TNKS2: variants seen among roughly 807,000 people sequenced by gnomAD.
The protein encoded by TNKS2 is poly [ADP-ribose] polymerase tankyrase-2.
A neutral mutation model predicts 137.6 loss-of-function variants in TNKS2; 72 were observed. The ratio of observed to expected loss-of-function variants is 0.52; its 90% CI spans 0.43 to 0.64. The LOEUF is 0.64. Ranked by LOEUF, TNKS2 falls within the 30% of genes least tolerant of loss-of-function variation. The probability of loss-of-function intolerance (pLI) is 0.00; values close to 1 mark genes in which losing one functional copy is unlikely to be tolerated. For missense variants in TNKS2, 1,049 were observed against 1,410.2 expected, an observed-to-expected ratio of 0.74 and a Z score of 4.10; for synonymous variants, 516 against 512.1, an observed-to-expected ratio of 1.01 and a Z score of -0.10.
chr10:91,846,057 T>C, intron 18 of TNKS2, 117 bp downstream of exon 18: 1 of 686,972 alleles, frequency 1.5e-6, no homozygotes, highest in Non-Finnish European at 2.2e-6. Context: ...GGTTTTAGCC[T>C]GATTTTAATG....
chr10:91,844,805 C>CATAT (rs3043645), intron 16 of TNKS2, 114 bp from the exon 17 acceptor site: 44 of 584,414 alleles, frequency 7.5e-5, no homozygotes, highest in South Asian at 2.2e-4. Context: ...CTTATAAATA[C>CATAT]ATATATATAT....
chr10:91,802,600 T>A (rs1291759216), intron 1 of TNKS2, among the ~76,000 whole-genome samples: 1 of 152,240 alleles, frequency 6.6e-6, no homozygotes, highest in East Asian at 1.9e-4. Flanking sequence ...ATTCCTCCAA[T>A]TGAAGGCTTT....
At chr10:91,801,565 C>T (rs1844170689) in intron 1 of TNKS2, among the ~76,000 whole-genome samples, 1 of 152,040 alleles carries the variant, frequency 6.6e-6, no homozygotes, top group Admixed American at 6.6e-5. Context: ...CCCCCACCTT[C>T]CGGGTTCGAC....
intron 13 of TNKS2, among the ~76,000 whole-genome samples, chr10:91,839,177 T>A (rs558762615): frequency 6.6e-6 from 1 of 151,738 alleles, no homozygotes; most frequent in African/African-American, 2.4e-5. Context: ...AAGATAGATA[T>A]ATTCTTTTGA....
chr10:91,826,958 C>T (rs2275646), intron 7 of TNKS2, 59 bp from the exon 8 acceptor site: 142,532 of 1,390,960 alleles, frequency 0.1, 8,031 homozygotes, highest in East Asian at 0.22. Flanking sequence ...TTACACAGTA[C>T]GAATAATTCT....
chr10:91,822,223 T>C (rs1192489446), intron 6 of TNKS2, 73 bp from the exon 7 acceptor site: 5 of 1,196,598 alleles, frequency 4.2e-6, no homozygotes, highest in Non-Finnish European at 5.9e-6. Flanking sequence ...ATTAAATAAA[T>C]TTTAATTTAT....
rs1379908859 is a variant in TNKS2 at position 91,798,953 on chromosome 10, G to A, written c.199+64G>A. ...CCACCTGCGCAGCCGGGGCCCACAGGTCTGAAACCAGTGCTCCTCCGCCTC... is the reference window on the plus strand; with the variant it reads ...CCACCTGCGCAGCCGGGGCCCACAGATCTGAAACCAGTGCTCCTCCGCCTC... On this transcript the variant is annotated intron_variant, in intron 1 of 26. Transcript: ENST00000371627. 2.3e-6 allele frequency: 3 copies of A among 1,296,880 alleles called. No individual in the cohort carries two copies. The South Asian group carries it at 7.2e-5, about 31-fold the overall frequency. The allele number at this position is 1,296,880 out of a possible 1,614,324, so 80.3% of individuals were successfully genotyped here.
intron 13 of TNKS2, among the ~76,000 whole-genome samples, chr10:91,838,951 T>C (rs1001924399): frequency 3.9e-5 from 6 of 152,206 alleles, no homozygotes; most frequent in African/African-American, 1.4e-4. Context: ...CACAGCAACC[T>C]CCACCTCCCG....
intron 16 of TNKS2, 126 bp downstream of exon 16, chr10:91,842,517 T>A: frequency 1.2e-6 from 1 of 804,626 alleles, no homozygotes; most frequent in Non-Finnish European, 2.0e-6. Context: ...CTCACACTTG[T>A]AATCCCAACA....
intron 9 of TNKS2, among the ~76,000 whole-genome samples, chr10:91,829,164 T>A (rs1362709063): frequency 6.6e-6 from 1 of 152,172 alleles, no homozygotes; most frequent in Non-Finnish European, 1.5e-5. Flanking sequence ...CTTACTTACC[T>A]AATATCTTTT....
chr10:91,833,857 A>G lies in TNKS2; in HGVS notation c.1280A>G (p.Asn427Ser). 6.3e-7 allele frequency: 1 copy of G among 1,589,064 alleles called. No individual in the cohort carries two copies. Among genetic ancestry groups the G allele is most frequent in the South Asian group, 1.2e-5 (1 of 85,664 alleles). Residue 427 changes from asparagine to serine, a missense_variant, in exon 12 of 27, where the codon AAT becomes AGT. Physicochemically the swap from Asn to Ser is conservative, Grantham distance 46. Coordinates refer to ENST00000371627, the MANE Select transcript of TNKS2 (RefSeq NM_025235.4). ...EVVVKHEAKV[N>S]ALDNLGQTSL... is the part of the protein sequence containing the mutation. ...AATTTTTTCTGCTTTGTTAAGGTTA[A>G]TGCTCTGGATAATCTTGGTCAGACT...
intron 7 of TNKS2, among the ~76,000 whole-genome samples, chr10:91,826,342 A>G (rs1220368426): frequency 6.6e-6 from 1 of 152,228 alleles, no homozygotes; most frequent in Non-Finnish European, 1.5e-5. Context: ...ATACTCAACC[A>G]GCCAACTAGA....
chr10:91,849,873 A>G (rs927872182), intron 20 of TNKS2, among the ~76,000 whole-genome samples: 7 of 145,536 alleles, frequency 4.8e-5, no homozygotes, highest in Admixed American at 1.4e-4. Flanking sequence ...CTGTCTATTC[A>G]GTTCTCTCTC....
chr10:91,833,805 T>C, intron 11 of TNKS2, 48 bp from the exon 12 acceptor site: 1 of 1,463,234 alleles, frequency 6.8e-7, no homozygotes, highest in Admixed American at 2.3e-5. Flanking sequence ...TTGTATGGTT[T>C]TAAATTTTGC....
chr10:91,813,231 T>C, intron 2 of TNKS2, 24 bp downstream of exon 2: 2 of 1,582,182 alleles, frequency 1.3e-6, no homozygotes, highest in African/African-American at 2.7e-5. Flanking sequence ...CTTTTCCGAC[T>C]TTTACTAATG....
chr10:91,803,836 C>T, intron 1 of TNKS2, among the ~76,000 whole-genome samples: 1 of 152,106 alleles, frequency 6.6e-6, no homozygotes, highest in Non-Finnish European at 1.5e-5. Flanking sequence ...GATAGCCTAC[C>T]TTTAGATATT....
intron 2 of TNKS2, 25 bp from the exon 3 acceptor site, chr10:91,817,109 T>G: frequency 6.5e-7 from 1 of 1,528,004 alleles, no homozygotes; most frequent in Non-Finnish European, 9.1e-7. Context: ...CCATTGAACT[T>G]CAAAATAGTG....
chr10:91,853,474 A>G (rs1278931754), intron 21 of TNKS2, among the ~76,000 whole-genome samples: 1 of 152,206 alleles, frequency 6.6e-6, no homozygotes, highest in African/African-American at 2.4e-5. Context: ...ATGTTAGTCA[A>G]CCAACAGGGA....
rs1039954272 is a variant in TNKS2, at chr10:91,834,046, T to C, written c.1447+22T>C. 3.3e-6 allele frequency: 5 copies of C among 1,497,398 alleles called. No homozygotes were observed. In the Admixed American group the frequency reaches 6.9e-5, roughly 21 times the overall value. 92.8% of individuals were successfully genotyped at this position (1,497,398 alleles called of 1,614,324 possible). ...CAAGGTATTACATGCTTCAATGAAA[T>C]TGATTTTTTTAAATTAACCTTTAAA... On this transcript the variant is annotated intron_variant, in intron 12 of 26. Coordinates refer to ENST00000371627, the MANE Select transcript of TNKS2 (RefSeq NM_025235.4).
Sources: gnomAD v4.1 joint callset for allele counts (sites outside exome capture counted in the v4.1 genomes callset) on GRCh38, gnomAD v4.1.1 for gene constraint, MANE v1.5 for transcripts, NCBI Gene and HGNC (gene_info 2026-07-23, HGNC 2026-07-21) for gene names.